Variants in P4HTM observed in about 807,000 individuals in gnomAD.
P4HTM encodes transmembrane prolyl 4-hydroxylase.
A neutral mutation model predicts 55.3 loss-of-function variants in P4HTM; 33 were observed. That is an observed-to-expected ratio of 0.60 (90% confidence interval 0.45 to 0.80). The LOEUF (loss-of-function observed/expected upper bound fraction) is 0.80. Among genes scored for constraint, P4HTM ranks in the 30% least tolerant of loss-of-function variants. The pLI, the probability that P4HTM is intolerant of heterozygous loss-of-function variation, is 0.00. For synonymous variants in P4HTM, 272 were observed against 286.4 expected (o/e 0.95, Z 0.51); for missense variants, 542 against 696.5 (o/e 0.78, Z 2.50).
rs2092971973 is a variant in P4HTM, at chr3:49,004,907, G to A, written c.934G>A (p.Glu312Lys). The A allele has an allele frequency of 1.2e-6, 2 of 1,613,270 alleles. No homozygotes were observed. The highest frequency in any genetic ancestry group is 1.7e-6 in the Non-Finnish European group (2 of 1,179,984). ...GTCGCCTGAGATCGTGGAGCTCAGC[G>A]AGCCGCTGCAGGTTGTTCGATATGG... ...RLSPEIVELS[E>K]PLQVVRYGEG... is the part of the protein sequence containing the mutation. Residue 312 changes from glutamate to lysine, a missense_variant, in exon 6 of 9, where the codon GAG (glutamate) becomes AAG (lysine). By Grantham distance (56) the Glu-to-Lys change is moderately conservative. Transcript: ENST00000383729.
At chr3:49,006,430 G>A (rs2092981832) in intron 8 of P4HTM, among the ~76,000 whole-genome samples, 1 of 152,204 alleles carries the variant, frequency 6.6e-6, no homozygotes. Context: ...CTGGGGCTTG[G>A]GACACATGTC....
intron 2 of P4HTM, among the ~76,000 whole-genome samples, chr3:49,000,505 C>G (rs372164139): frequency 3.3e-5 from 5 of 152,188 alleles, no homozygotes; most frequent in African/African-American, 1.2e-4. Context: ...CAGGCCACTC[C>G]GCAGGTAGCA....
rs1014369732 is a variant in P4HTM, at chr3:49,002,812, C to G, written c.724+216C>G. The G allele has an allele frequency of 1.2e-5, 8 of 650,456 alleles. No homozygotes were observed. Among genetic ancestry groups the G allele is most frequent in the Admixed American group, 2.2e-5 (1 of 46,158 alleles). The allele number at this position is 650,456 out of a possible 1,614,324, so 40.3% of individuals were successfully genotyped here. Reference sequence around the variant, plus strand: ...CCCCCGTTCCCCTTGGTGATGGTCTCGAGGGCAGTTCTTGGAGACCCTTTT... The same window carrying G: ...CCCCCGTTCCCCTTGGTGATGGTCTGGAGGGCAGTTCTTGGAGACCCTTTT... On this transcript the variant is annotated intron_variant, in intron 4 of 8. Coordinates refer to ENST00000383729, the MANE Select transcript of P4HTM (RefSeq NM_177939.3). This position sits in a 1 kb window ranked among gnomAD's most constrained non-coding sequence, Gnocchi z 4.4.
In P4HTM at chr3:49,001,466, G is replaced by A. The variant is rs2092960910; in HGVS notation, c.465G>A (p.Glu155=). Residue 155 remains glutamate, a synonymous_variant, in exon 3 of 9, where the codon GAG becomes GAA. Coordinates refer to ENST00000383729, the MANE Select transcript of P4HTM (RefSeq NM_177939.3). ...TCCCCGGCTTCCTGACTGATGAAGA[G>A]TGTCGGCTCATCATCCATCTGGCGC... is the stretch of plus-strand genomic sequence containing the variant. ...FEIPGFLTDE[E]CRLIIHLAQM... 1.2e-6 allele frequency: 2 copies of A among 1,613,920 alleles called. No homozygotes were observed. Among genetic ancestry groups the A allele is most frequent in the Non-Finnish European group, 8.5e-7 (1 of 1,180,036 alleles).
intron 2 of P4HTM, among the ~76,000 whole-genome samples, chr3:48,994,778 C>G (rs1285445648): frequency 6.6e-6 from 1 of 151,608 alleles, no homozygotes; most frequent in East Asian, 1.9e-4. Context: ...TCATGGCTCT[C>G]TCTTTTTGTT....
chr3:49,002,830 AC>A lies in P4HTM; in HGVS notation c.724+237del. 1 of 611,726 alleles carries A rather than the reference AC, an allele frequency of 1.6e-6. No individual in the cohort carries two copies. The highest frequency in any genetic ancestry group is 2.7e-4 in the Middle Eastern group (1 of 3,752). 37.9% of individuals were successfully genotyped at this position (611,726 alleles called of 1,614,324 possible). ...ATGGTCTCGAGGGCAGTTCTTGGAG[AC>A]CCTTTTGATAACATCAGGCAGAGTT... On this transcript the variant is annotated intron_variant, in intron 4 of 8. Coordinates refer to ENST00000383729, the MANE Select transcript of P4HTM (RefSeq NM_177939.3). The surrounding 1 kb of genome is among the most constrained non-coding windows in gnomAD (Gnocchi z 4.4).
At chr3:49,003,959 G>T in intron 4 of P4HTM, 139 bp from the exon 5 acceptor site, 1 of 737,440 alleles carries the variant, frequency 1.4e-6, no homozygotes, top group Non-Finnish European at 2.2e-6. Flanking sequence ...AAGTCCAGGT[G>T]GGGGACAAGT....
chr3:49,004,020 T>C, intron 4 of P4HTM, 78 bp from the exon 5 acceptor site: 3 of 1,384,274 alleles, frequency 2.2e-6, no homozygotes, highest in Non-Finnish European at 2.0e-6. Context: ...GCCTTTGGGG[T>C]AGGTAGGGAA....
chr3:49,001,668 G>C, intron 3 of P4HTM, 40 bp downstream of exon 3: 2 of 1,549,590 alleles, frequency 1.3e-6, no homozygotes, highest in Admixed American at 1.7e-5. Flanking sequence ...GGGTGGGAGT[G>C]CCCAGAATCA....
chr3:48,991,086 C>A (rs2092929985), intron 2 of P4HTM, 172 bp downstream of exon 2: 2 of 597,516 alleles, frequency 3.3e-6, no homozygotes, highest in African/African-American at 3.7e-5. Context: ...GGTAACACTC[C>A]CTCTTATCCC....
At chr3:48,995,082 T>C (rs574572580) in intron 2 of P4HTM, among the ~76,000 whole-genome samples, 2 of 152,210 alleles carry the variant, frequency 1.3e-5, no homozygotes, top group African/African-American at 4.8e-5. Flanking sequence ...ATTACAGACA[T>C]GAGCCACCGT....
In P4HTM at chr3:49,006,047, C is replaced by T. The variant is rs546993167; in HGVS notation, c.1165-17C>T. 3 of 1,607,314 alleles carry T rather than the reference C, an allele frequency of 1.9e-6. No homozygotes were observed. The African/African-American group carries it at 4.0e-5, about 21-fold the overall frequency. On this transcript the variant is annotated splice_polypyrimidine_tract_variant and intron_variant, in intron 7 of 8. Transcript: ENST00000383729. Reference sequence around the variant, plus strand: ...AGTGGGGACAGGTTGAACACCCCACCACCCTGCTGCCCACAGAGTCTGATT... The same window carrying T: ...AGTGGGGACAGGTTGAACACCCCACTACCCTGCTGCCCACAGAGTCTGATT...
chr3:48,997,693 A>AT (rs1168960385), intron 2 of P4HTM, among the ~76,000 whole-genome samples: 4 of 152,150 alleles, frequency 2.6e-5, no homozygotes, highest in Admixed American at 2.0e-4. Context: ...CCTTAGCAGA[A>AT]TTTTTGGTTT....
At chr3:48,992,049 G>A (rs2092932508) in intron 2 of P4HTM, 1 of 152,164 alleles carries the variant, frequency 6.6e-6, no homozygotes, top group Non-Finnish European at 1.5e-5. Flanking sequence ...TTGTGGGAGA[G>A]GCACCCAAAG....
chr3:49,005,484 C>T, intron 6 of P4HTM: 2 of 1,346,210 alleles, frequency 1.5e-6, no homozygotes, highest in Non-Finnish European at 1.9e-6. Context: ...TTCAGCGCGC[C>T]CTGTTGCTTC....
chr3:48,995,702 G>A (rs1420952898), intron 2 of P4HTM, among the ~76,000 whole-genome samples: 1 of 151,940 alleles, frequency 6.6e-6, no homozygotes, highest in Non-Finnish European at 1.5e-5. Context: ...CCTCCTGCCT[G>A]AGCCTCCTGA....
At chr3:49,006,211 G>C (rs201918214) in intron 8 of P4HTM, 24 bp downstream of exon 8, 5 of 1,601,156 alleles carry the variant, frequency 3.1e-6, no homozygotes, top group South Asian at 1.1e-5. Flanking sequence ...GCCAGGCCTG[G>C]GGGGGGTGCC....
intron 6 of P4HTM, 177 bp downstream of exon 6, chr3:49,005,223 G>T: frequency 1.3e-6 from 2 of 1,549,802 alleles, no homozygotes; most frequent in South Asian, 1.2e-5. Flanking sequence ...TGGCTGGAAA[G>T]GGGTGGCTAC....
At chr3:48,990,128 C>A, upstream of P4HTM, 1 of 919,688 alleles carries the variant, frequency 1.1e-6, no homozygotes, top group Non-Finnish European at 1.3e-6. This position sits in a 1 kb window ranked among gnomAD's most constrained non-coding sequence, Gnocchi z 7.2. Flanking sequence ...TCCGGGCGGG[C>A]TCAGCACCCC....
Sources: allele counts gnomAD v4.1 joint callset (sites outside exome capture counted in the v4.1 genomes callset), GRCh38; gene constraint gnomAD v4.1.1; non-coding constraint Gnocchi (gnomAD v3.1); transcripts MANE v1.5; gene names NCBI Gene and HGNC (gene_info 2026-07-23, HGNC 2026-07-21).